Variants in SCAMP1 observed in about 807,000 individuals in gnomAD.
SCAMP1 encodes secretory carrier membrane protein 1.
Under a neutral mutation model 41.8 loss-of-function variants are expected in SCAMP1, and 15 were observed. The ratio of observed to expected loss-of-function variants is 0.36; its 90% confidence interval spans 0.24 to 0.55. The LOEUF is 0.55. SCAMP1 is among the 20% of genes least tolerant of loss of function. The probability of loss-of-function intolerance (pLI) is 0.86; values close to 1 mark genes in which losing one functional copy is unlikely to be tolerated. For synonymous variants in SCAMP1, 135 were observed against 136.8 expected (o/e 0.99, Z 0.09); for missense variants, 341 against 412.6 (o/e 0.83, Z 1.50).
chr5:78,453,561 C>T (rs1449336757), intron 7 of SCAMP1, among the ~76,000 whole-genome samples: 1 of 151,150 alleles, frequency 6.6e-6, no homozygotes, highest in Non-Finnish European at 1.5e-5. Context: ...GTTTTGGTAC[C>T]AGTACCATGC....
rs762472922 is a variant in SCAMP1, at chr5:78,413,134, G to A, written c.136-2386G>A. Among the ~76,000 whole-genome samples, 12 of 152,192 alleles carry A rather than the reference G, an allele frequency of 7.9e-5. No homozygotes were observed. In the South Asian group the frequency reaches 8.3e-4, roughly 11 times the overall value. On this transcript the variant is annotated intron_variant, in intron 2 of 8. Transcript: ENST00000621999. Reference sequence around the variant, plus strand: ...TCGAATTAATCTTTGTATATGATGCGAAGTAAGAAATGTTTTTTTTTCCTA... The same window carrying A: ...TCGAATTAATCTTTGTATATGATGCAAAGTAAGAAATGTTTTTTTTTCCTA...
chr5:78,475,597 G>T lies in SCAMP1; in HGVS notation c.946G>T (p.Ala316Ser). 2 of 1,607,472 alleles carry T rather than the reference G, an allele frequency of 1.2e-6. No individual in the cohort carries two copies. Among genetic ancestry groups the T allele is most frequent in the Non-Finnish European group, 1.7e-6 (2 of 1,177,096 alleles). Reference sequence around the variant, plus strand: ...GATGTCCAACAAAACTGTCCAGACCGCAGCTGCAAATGCAGCTTCAACTGC... The same window carrying T: ...GATGTCCAACAAAACTGTCCAGACCTCAGCTGCAAATGCAGCTTCAACTGC... ...GVMSNKTVQT[A>S]AANAASTAAS... is the part of the protein sequence containing the mutation. Residue 316 changes from alanine (A) to serine (S), a missense_variant, in exon 9 of 9, where the codon GCA (alanine) becomes TCA (serine). Physicochemically the swap from Ala to Ser is moderately conservative, Grantham distance 99. Coordinates refer to ENST00000621999, the MANE Select transcript of SCAMP1 (RefSeq NM_004866.6).
chr5:78,410,191 C>T (rs1053233869), intron 2 of SCAMP1, among the ~76,000 whole-genome samples: 3 of 150,992 alleles, frequency 2.0e-5, no homozygotes, highest in Non-Finnish European at 2.9e-5. Flanking sequence ...CATAGGCAAA[C>T]GTGTGCCATG....
chr5:78,397,412 T>C (rs888686729), intron 2 of SCAMP1, among the ~76,000 whole-genome samples: 2 of 152,138 alleles, frequency 1.3e-5, no homozygotes. Flanking sequence ...TCATGACCTT[T>C]AGTTAGGCCA....
intron 1 of SCAMP1, 70 bp from the exon 2 acceptor site, chr5:78,388,767 G>T: frequency 1.3e-6 from 1 of 789,000 alleles, no homozygotes; most frequent in Non-Finnish European, 2.1e-6. Context: ...AAAGCAAATG[G>T]TATGTAAATA....
At chr5:78,430,121 CAG>C (rs1752571022) in intron 6 of SCAMP1, among the ~76,000 whole-genome samples, 2 of 43,334 alleles carry the variant, frequency 4.6e-5, no homozygotes, top group African/African-American at 1.4e-4. Flanking sequence ...TTTATAAATA[CAG>C]TATTTATTTA....
At chr5:78,420,738 T>G (rs550394837) in intron 5 of SCAMP1, among the ~76,000 whole-genome samples, 1 of 152,270 alleles carries the variant, frequency 6.6e-6, no homozygotes, top group South Asian at 2.1e-4. Context: ...CTCTAGAGCT[T>G]GTTTACTTAT....
chr5:78,373,367 A>G (rs1176622315), intron 1 of SCAMP1, among the ~76,000 whole-genome samples: 1 of 152,170 alleles, frequency 6.6e-6, no homozygotes, highest in Non-Finnish European at 1.5e-5. Context: ...CATTTTTGCA[A>G]TATGCTACTT....
chr5:78,418,030 T>A (rs1021877478), intron 4 of SCAMP1, among the ~76,000 whole-genome samples: 1 of 152,164 alleles, frequency 6.6e-6, no homozygotes, highest in African/African-American at 2.4e-5. Context: ...TTATTTTAAT[T>A]TTTTATTTCC....
intron 2 of SCAMP1, among the ~76,000 whole-genome samples, chr5:78,408,593 T>TTTTTG (rs568638816): frequency 2.8e-4 from 43 of 152,048 alleles, no homozygotes; most frequent in African/African-American, 8.7e-4. Flanking sequence ...AGGTTTTTGG[T>TTTTTG]TTTTGTTTTG....
At chr5:78,439,311 G>A (rs907274303) in intron 6 of SCAMP1, among the ~76,000 whole-genome samples, 1 of 152,152 alleles carries the variant, frequency 6.6e-6, no homozygotes, top group East Asian at 1.9e-4. Flanking sequence ...TCCTAGCATC[G>A]ATGGCCTTTA....
chr5:78,396,124 A>G (rs368071886), intron 2 of SCAMP1, among the ~76,000 whole-genome samples: 4 of 152,320 alleles, frequency 2.6e-5, no homozygotes, highest in Admixed American at 6.5e-5. Context: ...CTTGAAACAT[A>G]GAGGATTTTT....
chr5:78,440,893 C>T (rs1400736551), intron 6 of SCAMP1, among the ~76,000 whole-genome samples: 1 of 152,208 alleles, frequency 6.6e-6, no homozygotes, highest in African/African-American at 2.4e-5. Context: ...TTTACCTACT[C>T]AAGCCTCAGC....
At chr5:78,360,786 G>A (rs1036861462) in intron 1 of SCAMP1, 58 bp downstream of exon 1, 6 of 1,515,236 alleles carry the variant, frequency 4.0e-6, no homozygotes, top group African/African-American at 1.4e-5. Context: ...TGTGAAAACG[G>A]ACGAGTTCCT....
At chr5:78,411,037 G>C (rs1288950117) in intron 2 of SCAMP1, among the ~76,000 whole-genome samples, 1 of 151,962 alleles carries the variant, frequency 6.6e-6, no homozygotes, top group Non-Finnish European at 1.5e-5. Context: ...CTGGTTATTA[G>C]ACTTTTGTCA....
At chr5:78,371,023 T>G (rs1750931849) in intron 1 of SCAMP1, among the ~76,000 whole-genome samples, 1 of 152,164 alleles carries the variant, frequency 6.6e-6, no homozygotes, top group South Asian at 2.1e-4. Flanking sequence ...TTATTTGTCT[T>G]TTTTATTATT....
chr5:78,452,457 C>T lies in SCAMP1; in HGVS notation c.734+2423C>T, dbSNP rs1398916168. ...TGCGGTGTTTGGTTTTTTGTTCTTG[C>T]GATAGTTTACTGAGAATGATGATTT... On this transcript the variant is annotated intron_variant, in intron 7 of 8. Coordinates refer to ENST00000621999, the MANE Select transcript of SCAMP1 (RefSeq NM_004866.6). Among the ~76,000 whole-genome samples, 390 of 126,774 alleles carry T rather than the reference C, an allele frequency of 3.1e-3. 4 individuals are homozygous for T. The highest frequency in any genetic ancestry group is 0.011 in the African/African-American group (350 of 33,128). The allele number at this position is 126,774 out of a possible 152,430, so 83.2% of individuals were successfully genotyped here.
chr5:78,396,588 TG>T (rs1354374886), intron 2 of SCAMP1, among the ~76,000 whole-genome samples: 1 of 152,142 alleles, frequency 6.6e-6, no homozygotes, highest in Non-Finnish European at 1.5e-5. Flanking sequence ...AAGATATACA[TG>T]TGGGAATCAT....
chr5:78,363,862 T>C (rs917801198), intron 1 of SCAMP1, among the ~76,000 whole-genome samples: 5 of 152,172 alleles, frequency 3.3e-5, no homozygotes, highest in Admixed American at 6.5e-5. Context: ...TTCCTAGGCT[T>C]AGTGAATGGT....
Sources: gnomAD v4.1 joint callset for allele counts (sites outside exome capture counted in the v4.1 genomes callset) on GRCh38, gnomAD v4.1.1 for gene constraint, MANE v1.5 for transcripts, NCBI Gene and HGNC (gene_info 2026-07-23, HGNC 2026-07-21) for gene names.